ANKAR: variants seen among roughly 807,000 people sequenced by gnomAD.
ANKAR encodes the protein ankyrin and armadillo repeat-containing protein.
A neutral mutation model predicts 146.2 loss-of-function variants in ANKAR; 136 were observed. The observed-to-expected ratio is 0.93, with a 90% CI of 0.81 to 1.07. The LOEUF (loss-of-function observed/expected upper bound fraction) is 1.07. ANKAR is among the 50% of genes least tolerant of loss of function. The pLI is 0.00. For synonymous variants in ANKAR, 500 were observed against 575.8 expected, an observed-to-expected ratio of 0.87 and a Z score of 1.88; for missense variants, 1,567 against 1,679.9, an observed-to-expected ratio of 0.93 and a Z score of 1.18.
intron 18 of ANKAR, chr2:189,753,200 C>T (rs1364372329): frequency 3.2e-6 from 1 of 307,696 alleles, no homozygotes; most frequent in African/African-American, 2.2e-5. Context: ...TGTATATTTT[C>T]TTCCAACCTT....
downstream of ANKAR, chr2:189,746,819 T>C (rs896249210): frequency 5.3e-6 from 3 of 566,958 alleles, no homozygotes; most frequent in Non-Finnish European, 8.2e-6. Context: ...TTTCAAAAAA[T>C]TAGGATTTCT....
chr2:189,737,420 T>C (rs2042959047), intron 17 of ANKAR, among the ~76,000 whole-genome samples: 1 of 152,216 alleles, frequency 6.6e-6, no homozygotes, highest in African/African-American at 2.4e-5. Flanking sequence ...ATTTAAGAGA[T>C]TGATATGGAA....
At chr2:189,691,563 A>G (rs932452795) in intron 3 of ANKAR, among the ~76,000 whole-genome samples, 1 of 151,996 alleles carries the variant, frequency 6.6e-6, no homozygotes, top group Non-Finnish European at 1.5e-5. Context: ...TGGGAGTAAG[A>G]TACTAATCTT....
intron 21 of ANKAR, 21 bp downstream of exon 21, chr2:189,743,495 T>C: frequency 6.2e-7 from 1 of 1,601,688 alleles, no homozygotes; most frequent in Admixed American, 1.7e-5. Context: ...ATGTTAGAAG[T>C]TGCAGTAGTG....
Position 189,741,354 on chromosome 2 carries a change from C to T in ANKAR, c.3713C>T (p.Ala1238Val). ...STIVLTGNLI[A>V]SLAHSRAGIP... is the part of the protein sequence containing the mutation. ...GTTTAATTTATAGGGAATTTAATAGCAAGCCTGGCTCATTCTAGAGCTGGT... is the reference window on the plus strand; with the variant it reads ...GTTTAATTTATAGGGAATTTAATAGTAAGCCTGGCTCATTCTAGAGCTGGT... Residue 1238 changes from alanine to valine, a missense_variant, in exon 20 of 23, where the codon GCA (alanine) becomes GTA (valine). By Grantham distance (64) the Ala-to-Val change is moderately conservative. Coordinates refer to ENST00000684021, the MANE Select transcript of ANKAR (RefSeq NM_001378068.1). 6.3e-7 allele frequency: 1 copy of T among 1,596,536 alleles called. No homozygotes were observed. Among genetic ancestry groups the T allele is most frequent in the South Asian group, 1.1e-5 (1 of 87,180 alleles).
chr2:189,722,752 G>A (rs553397804), intron 12 of ANKAR, among the ~76,000 whole-genome samples: 1,560 of 151,894 alleles, frequency 0.01, 24 homozygotes, highest in African/African-American at 0.034. Context: ...GTGTGGTGGC[G>A]CGTGCCTGTA....
intron 22 of ANKAR, 35 bp downstream of exon 22, chr2:189,744,823 C>T: frequency 1.4e-6 from 2 of 1,439,946 alleles, no homozygotes; most frequent in Non-Finnish European, 1.9e-6. Flanking sequence ...GAAGTACCTT[C>T]TAGCCCAGAC....
At chr2:189,750,556 G>A (rs772976638), downstream of ANKAR, 1 of 1,349,474 alleles carries the variant, frequency 7.4e-7, no homozygotes, top group Non-Finnish European at 1.0e-6. Context: ...CTACCTTTAG[G>A]GACTTTTTTG....
At chr2:189,761,277 G>C (rs1327689293), downstream of ANKAR, 2 of 783,266 alleles carry the variant, frequency 2.6e-6, no homozygotes, top group Non-Finnish European at 3.8e-6. Context: ...TGAAGTGTTT[G>C]AGGTTTTCTA....
downstream of ANKAR, chr2:189,750,592 T>A: frequency 6.3e-7 from 1 of 1,580,594 alleles, no homozygotes; most frequent in Non-Finnish European, 8.6e-7. Flanking sequence ...ATCTCCATTT[T>A]TAATTGTGGT....
intron 2 of ANKAR, among the ~76,000 whole-genome samples, chr2:189,687,808 T>C (rs142841400): frequency 0.038 from 5,743 of 152,302 alleles, 157 homozygotes; most frequent in African/African-American, 0.067. Flanking sequence ...TAAATCAGAT[T>C]AGAATTTTTT....
chr2:189,748,723 CA>C (rs2044577876), downstream of ANKAR, among the ~76,000 whole-genome samples: 1 of 152,130 alleles, frequency 6.6e-6, no homozygotes, highest in Non-Finnish European at 1.5e-5. Context: ...GAATTTATAA[CA>C]ATGGAAATAT....
intron 5 of ANKAR, 65 bp from the exon 6 acceptor site, chr2:189,694,916 A>T: frequency 9.2e-7 from 1 of 1,091,808 alleles, no homozygotes; most frequent in Non-Finnish European, 1.2e-6. Context: ...TTGCCAGCAT[A>T]GAAAGAGAAG....
downstream of ANKAR, chr2:189,761,360 C>A: frequency 6.5e-7 from 1 of 1,528,730 alleles, no homozygotes. Context: ...ATGACAAATA[C>A]AAAAGAATGA....
At chr2:189,728,968 T>A in intron 15 of ANKAR, 147 bp downstream of exon 15, 1 of 763,540 alleles carries the variant, frequency 1.3e-6, no homozygotes, top group Non-Finnish European at 1.9e-6. Context: ...TTATAACTTT[T>A]AAAGTTTGTC....
chr2:189,757,852 C>T (rs1332588125), intron 18 of ANKAR, among the ~76,000 whole-genome samples: 1 of 152,194 alleles, frequency 6.6e-6, no homozygotes, highest in Non-Finnish European at 1.5e-5. Context: ...GTAGTCTCCT[C>T]AAGTGACCTA....
Position 189,705,214 on chromosome 2 carries a change from G to A in ANKAR, c.1900G>A (p.Ala634Thr). Residue 634 changes from alanine (A) to threonine (T), a missense_variant, in exon 8 of 23, where the codon GCA (alanine) becomes ACA (threonine). Physicochemically the swap from Ala to Thr is moderately conservative, Grantham distance 58. Transcript: ENST00000684021. The part of the protein sequence containing the change: ...RKDPSLLEAE[A>T]TAENQCTPLL... ...GGATCCTAGTTTGCTAGAAGCTGAG[G>A]CAACAGCTGAGTAAGTCATTAAGCA... 6.2e-7 allele frequency: 1 copy of A among 1,614,024 alleles called. No individual in the cohort carries two copies. Among genetic ancestry groups the A allele is most frequent in the Non-Finnish European group, 8.5e-7 (1 of 1,179,960 alleles).
intron 7 of ANKAR, among the ~76,000 whole-genome samples, chr2:189,703,123 A>G (rs1272260502): frequency 6.6e-6 from 1 of 152,196 alleles, no homozygotes; most frequent in Non-Finnish European, 1.5e-5. Flanking sequence ...GAGGTAGATG[A>G]AGAAGGTAGT....
chr2:189,676,992 C>T lies in ANKAR; in HGVS notation c.502C>T (p.Arg168Ter), dbSNP rs549460445. ...WHGIYMPKEK[R>*]ARFSELWRAI... ...TGGAATATATATGCCCAAAGAAAAA[C>T]GAGCTAGATTCTCTGAATTGTGGCG... Residue 168 changes from arginine (R) to a stop codon, truncating the protein, a stop_gained, in exon 2 of 23, where the codon CGA (arginine) becomes TGA (stop). Transcript: ENST00000684021. LOFTEE classifies it high-confidence loss of function. 13 of 1,613,576 alleles carry T rather than the reference C, an allele frequency of 8.1e-6. No homozygotes were observed. The highest frequency in any genetic ancestry group is 6.7e-5 in the Admixed American group (4 of 59,960).
Sources: gnomAD v4.1 joint callset for allele counts (sites outside exome capture counted in the v4.1 genomes callset) on GRCh38, gnomAD v4.1.1 for gene constraint, MANE v1.5 for transcripts, NCBI Gene and HGNC (gene_info 2026-07-23, HGNC 2026-07-21) for gene names.